ABCA1: variants seen among roughly 807,000 people sequenced by gnomAD.
ABCA1 encodes the protein ATP binding cassette subfamily A member 1.
Under a neutral mutation model 262.5 loss-of-function variants are expected in ABCA1, and 133 were observed. The ratio of observed to expected loss-of-function variants is 0.51; its 90% confidence interval spans 0.44 to 0.59. The LOEUF is 0.59. Ranked by LOEUF, ABCA1 falls within the 20% of genes least tolerant of loss-of-function variation. The probability of loss-of-function intolerance (pLI) is 0.00; values close to 1 mark genes in which losing one functional copy is unlikely to be tolerated. For synonymous variants in ABCA1, 1,022 were observed against 1,043.5 expected, an observed-to-expected ratio of 0.98 and a Z score of 0.40; for missense variants, 2,452 against 2,777.5, an observed-to-expected ratio of 0.88 and a Z score of 2.63.
chr9:104,867,170 C>G (rs1241905298), intron 5 of ABCA1, among the ~76,000 whole-genome samples: 5 of 152,200 alleles, frequency 3.3e-5, no homozygotes. Flanking sequence ...ACCCACTCAG[C>G]CACGTCAGCC....
chr9:104,873,638 C>T (rs1430101425), intron 5 of ABCA1, among the ~76,000 whole-genome samples: 1 of 152,232 alleles, frequency 6.6e-6, no homozygotes, highest in Non-Finnish European at 1.5e-5. Flanking sequence ...GCTGTGCTTT[C>T]TTAGGCAAGT....
chr9:104,869,346 G>A (rs1345604561), intron 5 of ABCA1, among the ~76,000 whole-genome samples: 1 of 152,156 alleles, frequency 6.6e-6, no homozygotes, highest in African/African-American at 2.4e-5. Flanking sequence ...CAGCCTGCTA[G>A]GAGCTGTCAA....
intron 8 of ABCA1, among the ~76,000 whole-genome samples, chr9:104,840,850 A>G (rs945603937): frequency 3.9e-5 from 6 of 152,178 alleles, no homozygotes; most frequent in Admixed American, 1.3e-4. Context: ...CTAAAGTTTG[A>G]GAAGCACAGC....
At chr9:104,863,125 T>C (rs1836781408) in intron 5 of ABCA1, among the ~76,000 whole-genome samples, 1 of 152,116 alleles carries the variant, frequency 6.6e-6, no homozygotes, top group African/African-American at 2.4e-5. Context: ...GAATCCAGAA[T>C]TTTAGTTTCT....
At chr9:104,799,637 A>G in intron 36 of ABCA1, 182 bp downstream of exon 36, 1 of 985,412 alleles carries the variant, frequency 1.0e-6, no homozygotes, top group Non-Finnish European at 1.2e-6. Context: ...CTGCAGTTCA[A>G]GAAGCCCAAC....
intron 5 of ABCA1, among the ~76,000 whole-genome samples, chr9:104,866,158 T>C (rs144223517): frequency 7.6e-4 from 115 of 152,238 alleles, no homozygotes; most frequent in East Asian, 5.2e-3. Flanking sequence ...ATGCACATAG[T>C]AGATTCTCAA....
rs1482416823 is a variant in ABCA1, at chr9:104,868,939, GTGT to G, written c.422-7142_422-7140del. On this transcript the variant is annotated intron_variant, in intron 5 of 49. Transcript: ENST00000374736. ...GAGGTCCTGCTTTCCAGGCCATTCA[GTGT>G]TCCTTCAGTTCTCTGAGCATAGAGG... Among the ~76,000 whole-genome samples, 13 of 152,128 alleles carry G rather than the reference GTGT, an allele frequency of 8.5e-5. No individual in the cohort carries two copies. In the Middle Eastern group the frequency reaches 0.017, roughly 199 times the overall value.
intron 43 of ABCA1, 75 bp downstream of exon 43, chr9:104,791,861 G>A (rs1244610820): frequency 3.7e-5 from 54 of 1,462,866 alleles, no homozygotes; most frequent in East Asian, 1.2e-4. Flanking sequence ...ACCTCTTAAC[G>A]AGCATCGTTG....
chr9:104,861,653 T>A, intron 6 of ABCA1, 26 bp downstream of exon 6: 1 of 1,614,050 alleles, frequency 6.2e-7, no homozygotes, highest in African/African-American at 1.3e-5. Flanking sequence ...TCAGCCCTAC[T>A]GAGGAAGCTG....
Position 104,785,380 on chromosome 9 carries a change from G to T in ABCA1, c.6645+16C>A. 4 of 1,613,650 alleles carry T rather than the reference G, an allele frequency of 2.5e-6. No homozygotes were observed. In the South Asian group the frequency reaches 4.4e-5, roughly 18 times the overall value. ...ACACCCTGAGAAGTAAATCTGTTTT[G>T]ACACTCAAAGCTTACTTGGTCAAGT... On this transcript the variant is annotated intron_variant, in intron 49 of 49. Transcript: ENST00000374736.
At chr9:104,881,623 G>C (rs572211243) in intron 5 of ABCA1, among the ~76,000 whole-genome samples, 66 of 152,280 alleles carry the variant, frequency 4.3e-4, no homozygotes, top group African/African-American at 1.5e-3. Flanking sequence ...CAGCCACAGG[G>C]TAATGTATGC....
At chr9:104,818,040 T>C (rs1456746107) in intron 23 of ABCA1, among the ~76,000 whole-genome samples, 4 of 152,138 alleles carry the variant, frequency 2.6e-5, no homozygotes, top group Non-Finnish European at 5.9e-5. Context: ...CCACCACTGT[T>C]ATTTACCTGC....
At chr9:104,913,667 A>T (rs1163671528) in intron 1 of ABCA1, among the ~76,000 whole-genome samples, 1 of 152,144 alleles carries the variant, frequency 6.6e-6, no homozygotes, top group African/African-American at 2.4e-5. Flanking sequence ...CCATTGTTTT[A>T]CTATAAAACC....
At chr9:104,909,504 G>A (rs1470836602) in intron 1 of ABCA1, among the ~76,000 whole-genome samples, 2 of 152,098 alleles carry the variant, frequency 1.3e-5, no homozygotes, top group Non-Finnish European at 2.9e-5. Flanking sequence ...ACAAAGGGGT[G>A]GCTTAAATGA....
Position 104,821,457 on chromosome 9 carries a change from G to A in ABCA1, c.2878C>T (p.Leu960=), listed in dbSNP as rs2118972284. 1 of 1,614,082 alleles carries A rather than the reference G, an allele frequency of 6.2e-7. No individual in the cohort carries two copies. Among genetic ancestry groups the A allele is most frequent in the Non-Finnish European group, 8.5e-7 (1 of 1,180,020 alleles). The stretch of plus-strand genomic sequence containing the variant: ...ATCTCAGAGCGAATGTCTTTTCCCA[G>A]GATGTAGGCGGTGCCCGAGGTCGGG... ...FPPTSGTAYI[L]GKDIRSEMST... The change falls in exon 20 of 50, where the codon CTG becomes TTG. Residue 960 remains leucine, a synonymous_variant. Coordinates refer to ENST00000374736, the MANE Select transcript of ABCA1 (RefSeq NM_005502.4).
chr9:104,823,278 AT>A (rs1316237982), intron 18 of ABCA1, among the ~76,000 whole-genome samples: 1 of 152,216 alleles, frequency 6.6e-6, no homozygotes, highest in Middle Eastern at 3.2e-3. Context: ...TGAGCTAGTA[AT>A]TACATGAATT....
At chr9:104,841,850 A>G (rs1475048095) in intron 8 of ABCA1, among the ~76,000 whole-genome samples, 1 of 152,256 alleles carries the variant, frequency 6.6e-6, no homozygotes, top group Non-Finnish European at 1.5e-5. Flanking sequence ...CACTTTGTGG[A>G]GTTCTCAGCC....
At chr9:104,815,701 C>T (rs1365178290) in intron 25 of ABCA1, among the ~76,000 whole-genome samples, 1 of 152,214 alleles carries the variant, frequency 6.6e-6, no homozygotes, top group East Asian at 1.9e-4. Context: ...CCAGTTGATA[C>T]CTGGCTGTGA....
At chr9:104,840,225 A>T in intron 9 of ABCA1, 54 bp downstream of exon 9, 1 of 1,613,270 alleles carries the variant, frequency 6.2e-7, no homozygotes, top group Non-Finnish European at 8.5e-7. Context: ...CCAAGGCCAG[A>T]ACTAAGGGAG....
Sources: allele counts gnomAD v4.1 joint callset (sites outside exome capture counted in the v4.1 genomes callset), GRCh38; gene constraint gnomAD v4.1.1; transcripts MANE v1.5; gene names NCBI Gene and HGNC (gene_info 2026-07-23, HGNC 2026-07-21).